TLE1: variants seen among roughly 807,000 people sequenced by gnomAD.
TLE1 encodes TLE family member 1, transcriptional corepressor, also known as transducin-like enhancer protein 1.
In TLE1, 21 loss-of-function variants were observed where a neutral mutation model predicts 89.8. The observed-to-expected ratio is 0.23, with a 90% CI of 0.17 to 0.34. The LOEUF is 0.34. TLE1 is among the 10% of genes least tolerant of loss of function. The pLI, the probability that TLE1 is intolerant of heterozygous loss-of-function variation, is 1.00. For missense variants in TLE1, 795 were observed against 1,031.2 expected, an observed-to-expected ratio of 0.77 and a Z score of 3.14; for synonymous variants, 447 against 407.6, an observed-to-expected ratio of 1.10 and a Z score of -1.16.
intron 14 of TLE1, among the ~76,000 whole-genome samples, chr9:81,595,829 A>T (rs1447988886): frequency 3.3e-5 from 5 of 151,846 alleles, no homozygotes; most frequent in East Asian, 1.9e-4. Flanking sequence ...AAAAAAAAAA[A>T]AAAATTAAAA....
intron 6 of TLE1, among the ~76,000 whole-genome samples, chr9:81,642,726 A>AG (rs113393744): frequency 2.9e-4 from 24 of 83,112 alleles, no homozygotes; most frequent in Admixed American, 8.3e-4. Flanking sequence ...AAGGAAAGAA[A>AG]GAAAGAAAGA....
chr9:81,651,465 AG>A (rs1829520340), intron 6 of TLE1, among the ~76,000 whole-genome samples: 1 of 152,130 alleles, frequency 6.6e-6, no homozygotes, highest in Admixed American at 6.5e-5. Flanking sequence ...AACTCAAGAG[AG>A]GAGAGCAGAA....
At chr9:81,638,604 T>C (rs960814299) in intron 6 of TLE1, among the ~76,000 whole-genome samples, 11 of 152,092 alleles carry the variant, frequency 7.2e-5, no homozygotes, top group African/African-American at 2.7e-4. Context: ...ACCCAATAGC[T>C]CTGCCAATCA....
intron 12 of TLE1, among the ~76,000 whole-genome samples, chr9:81,612,696 G>A (rs1261365404): frequency 6.6e-6 from 1 of 152,200 alleles, no homozygotes; most frequent in Non-Finnish European, 1.5e-5. Context: ...TGCTAGTTAG[G>A]TGGGGAGGCT....
chr9:81,590,627 G>C (rs1194622654), intron 16 of TLE1, among the ~76,000 whole-genome samples, 178 bp downstream of exon 16: 1 of 152,224 alleles, frequency 6.6e-6, no homozygotes, highest in Admixed American at 6.5e-5. Flanking sequence ...ATAGTAATAA[G>C]ACTGTAAGCC....
intron 8 of TLE1, among the ~76,000 whole-genome samples, chr9:81,627,276 T>G (rs1169564688): frequency 6.7e-6 from 1 of 150,374 alleles, no homozygotes; most frequent in Non-Finnish European, 1.5e-5. Context: ...GAGCACAAAC[T>G]CAAGTCAAAA....
chr9:81,613,906 C>CTTTTTTTTT (rs761514885), intron 11 of TLE1, among the ~76,000 whole-genome samples: 1 of 89,928 alleles, frequency 1.1e-5, no homozygotes, highest in Non-Finnish European at 1.8e-5. Context: ...CTTTTCTTTT[C>CTTTTTTTTT]TTTTTTTTTT....
intron 5 of TLE1, among the ~76,000 whole-genome samples, chr9:81,653,493 T>C (rs754956435): frequency 9.2e-5 from 14 of 152,214 alleles, no homozygotes; most frequent in Non-Finnish European, 1.8e-4. Flanking sequence ...TACATACATA[T>C]GACTCATTAA....
chr9:81,684,414 A>G (rs996981199), intron 4 of TLE1, among the ~76,000 whole-genome samples: 1 of 152,210 alleles, frequency 6.6e-6, no homozygotes, highest in African/African-American at 2.4e-5. Context: ...GAAAATCACA[A>G]TCTCTTTCCA....
intron 8 of TLE1, among the ~76,000 whole-genome samples, chr9:81,628,040 G>A (rs1826113382): frequency 6.6e-6 from 1 of 152,176 alleles, no homozygotes; most frequent in East Asian, 1.9e-4. Flanking sequence ...GCAACATACT[G>A]AGACTCTGAC....
intron 4 of TLE1, among the ~76,000 whole-genome samples, chr9:81,683,203 A>C (rs1416608197): frequency 6.6e-6 from 1 of 151,846 alleles, no homozygotes; most frequent in African/African-American, 2.4e-5. Flanking sequence ...CTCTGTACGG[A>C]AAGTTTCCCC....
intron 4 of TLE1, among the ~76,000 whole-genome samples, chr9:81,658,896 G>C (rs1278892898): frequency 6.6e-6 from 1 of 152,034 alleles, no homozygotes; most frequent in African/African-American, 2.4e-5. Context: ...TTTTATTTAT[G>C]TATTTATTTA....
intron 4 of TLE1, among the ~76,000 whole-genome samples, chr9:81,671,065 G>A (rs1832161903): frequency 6.6e-6 from 1 of 152,126 alleles, no homozygotes; most frequent in Admixed American, 6.5e-5. Flanking sequence ...CTACTTGGGA[G>A]GCTGAGACAG....
intron 4 of TLE1, 144 bp from the exon 5 acceptor site, chr9:81,654,180 T>C (rs1468039737): frequency 4.5e-6 from 3 of 671,886 alleles, no homozygotes; most frequent in Non-Finnish European, 7.6e-6. Context: ...ATGTTACTAA[T>C]ACTTATCTTG....
chr9:81,667,010 T>C (rs1395406890), intron 4 of TLE1, among the ~76,000 whole-genome samples: 1 of 151,754 alleles, frequency 6.6e-6, no homozygotes, highest in East Asian at 1.9e-4. Context: ...TCCCAGCTAC[T>C]GGGGATGCTT....
At chr9:81,615,923 T>G in intron 11 of TLE1, 59 bp downstream of exon 11, 2 of 1,603,254 alleles carry the variant, frequency 1.2e-6, no homozygotes, top group Non-Finnish European at 1.7e-6. Context: ...TTCAGAGTCC[T>G]CCAGTCCACA....
intron 15 of TLE1, among the ~76,000 whole-genome samples, chr9:81,592,709 C>A (rs1309672618): frequency 6.6e-6 from 1 of 152,150 alleles, no homozygotes; most frequent in East Asian, 1.9e-4. Context: ...AGAGTCCAGG[C>A]CCAGTTGTGC....
intron 8 of TLE1, chr9:81,620,808 T>C (rs1825140941): frequency 1.6e-6 from 2 of 1,259,662 alleles, no homozygotes; most frequent in African/African-American, 1.5e-5. Flanking sequence ...GAAATGTGCT[T>C]CTGTCCTATT....
At chr9:81,677,739 G>C (rs530013218) in intron 4 of TLE1, among the ~76,000 whole-genome samples, 2 of 152,020 alleles carry the variant, frequency 1.3e-5, no homozygotes, top group African/African-American at 2.4e-5. Flanking sequence ...TTGACAAACT[G>C]CAAGATTTGG....
Sources: gnomAD v4.1 joint callset for allele counts (sites outside exome capture counted in the v4.1 genomes callset) on GRCh38, gnomAD v4.1.1 for gene constraint, MANE v1.5 for transcripts, NCBI Gene and HGNC (gene_info 2026-07-23, HGNC 2026-07-21) for gene names.